Variants in CTNNAL1 observed in about 807,000 individuals in gnomAD.
CTNNAL1 encodes catenin alpha like 1, also known as alpha-catulin.
CTNNAL1 carries 69 observed loss-of-function variants against 93.6 expected under a neutral mutation model. The ratio of observed to expected loss-of-function variants is 0.74; its 90% CI spans 0.61 to 0.90. CTNNAL1 has a LOEUF of 0.90. Among genes scored for constraint, CTNNAL1 ranks in the 40% least tolerant of loss-of-function variants. The probability of loss-of-function intolerance (pLI) is 0.00; values close to 1 mark genes in which losing one functional copy is unlikely to be tolerated. For synonymous variants in CTNNAL1, 286 were observed against 305.4 expected (o/e 0.94, Z 0.66); for missense variants, 836 against 862.0 (o/e 0.97, Z 0.38).
At chr9:108,975,600 A>C (rs1564134268) in intron 8 of CTNNAL1, among the ~76,000 whole-genome samples, 1 of 152,228 alleles carries the variant, frequency 6.6e-6, no homozygotes, top group East Asian at 1.9e-4. Flanking sequence ...TGGAGCTGGG[A>C]AAACAGGGAA....
intron 6 of CTNNAL1, among the ~76,000 whole-genome samples, chr9:108,982,087 T>C (rs1831449720): frequency 6.6e-6 from 1 of 152,172 alleles, no homozygotes; most frequent in Non-Finnish European, 1.5e-5. Context: ...ACTAGATGAC[T>C]TCTTAGGGCC....
At chr9:108,953,014 C>A (rs1002365163) in intron 12 of CTNNAL1, among the ~76,000 whole-genome samples, 5 of 152,230 alleles carry the variant, frequency 3.3e-5, no homozygotes, top group Non-Finnish European at 7.3e-5. Flanking sequence ...TCTCTAGCTT[C>A]ATAGATATCA....
In CTNNAL1 at chr9:109,013,395, G is replaced by A. The variant is rs928438894; in HGVS notation, c.48C>T (p.Val16=). The change falls in exon 1 of 19, where the codon GTC becomes GTT. Residue 16 remains valine, a synonymous_variant. Transcript: ENST00000325551. ...GPAGVGGAGA[V]YGSGSSGFAL... Reference sequence around the variant, plus strand: ...CGAAGCCCGAAGAGCCGGAGCCGTAGACTGCTCCGGCGCCGCCAACGCCGG... The same window carrying A: ...CGAAGCCCGAAGAGCCGGAGCCGTAAACTGCTCCGGCGCCGCCAACGCCGG... The A allele has an allele frequency of 3.3e-6, 5 of 1,500,864 alleles. No individual in the cohort carries two copies. In the African/African-American group the frequency reaches 5.8e-5, roughly 18 times the overall value. The allele number at this position is 1,500,864 out of a possible 1,614,324, so 93.0% of individuals were successfully genotyped here.
Position 108,979,373 on chromosome 9 carries a change from A to G in CTNNAL1, c.1009T>C (p.Tyr337His), listed in dbSNP as rs374231022. 6.2e-6 allele frequency: 10 copies of G among 1,614,178 alleles called. No individual in the cohort carries two copies. The highest frequency in any genetic ancestry group is 5.3e-5 in the African/African-American group (4 of 75,062). Reference sequence around the variant, plus strand: ...CGTTCTCTGTGCTCATGGCTGGTGTAGGCAGAATCAGTAAAGTCCTCCATA... The same window carrying G: ...CGTTCTCTGTGCTCATGGCTGGTGTGGGCAGAATCAGTAAAGTCCTCCATA... ...ERMEDFTDSA[Y>H]TSHEHRERIL... Residue 337 changes from tyrosine to histidine, a missense_variant, in exon 7 of 19, where the codon TAC becomes CAC. Physicochemically the swap from Tyr to His is moderately conservative, Grantham distance 83 (BLOSUM62 2). Coordinates refer to ENST00000325551, the MANE Select transcript of CTNNAL1 (RefSeq NM_003798.4).
chr9:109,010,115 T>C lies in CTNNAL1; in HGVS notation c.141+3187A>G, dbSNP rs546235920. Among the ~76,000 whole-genome samples, 13 of 152,308 alleles carry C rather than the reference T, an allele frequency of 8.5e-5. No individual in the cohort carries two copies. The East Asian group carries it at 2.5e-3, about 29-fold the overall frequency. On this transcript the variant is annotated intron_variant, in intron 1 of 18. Coordinates refer to ENST00000325551, the MANE Select transcript of CTNNAL1 (RefSeq NM_003798.4). Reference sequence around the variant, plus strand: ...ACAGCTAACTGCAGCCCTCAGCTGCTGGGCTCAAGCCATCCTCCCATTTTT... The same window carrying C: ...ACAGCTAACTGCAGCCCTCAGCTGCCGGGCTCAAGCCATCCTCCCATTTTT...
chr9:108,943,833 C>T lies in CTNNAL1; in HGVS notation c.1942-17G>A. The T allele has an allele frequency of 6.2e-7, 1 of 1,609,296 alleles. No homozygotes were observed. Among genetic ancestry groups the T allele is most frequent in the East Asian group, 2.2e-5 (1 of 44,824 alleles). ...GTCTTTCAGCTGAAATGTAATTTAA[C>T]AAGTTATAACAGCCCGCAACAAAAC... On this transcript the variant is annotated splice_polypyrimidine_tract_variant and intron_variant, in intron 16 of 18. Coordinates refer to ENST00000325551, the MANE Select transcript of CTNNAL1 (RefSeq NM_003798.4).
intron 4 of CTNNAL1, among the ~76,000 whole-genome samples, chr9:108,990,317 A>G (rs1831750844): frequency 6.6e-6 from 1 of 152,232 alleles, no homozygotes; most frequent in South Asian, 2.1e-4. Flanking sequence ...TTGGGTTATT[A>G]CTATTAATCT....
intron 8 of CTNNAL1, among the ~76,000 whole-genome samples, chr9:108,976,568 G>A (rs1831272285): frequency 6.6e-6 from 1 of 151,516 alleles, no homozygotes; most frequent in Non-Finnish European, 1.5e-5. Context: ...TCTCACTCTG[G>A]CACCCAGGCT....
At chr9:108,964,143 T>C (rs1830890708) in intron 11 of CTNNAL1, among the ~76,000 whole-genome samples, 1 of 152,192 alleles carries the variant, frequency 6.6e-6, no homozygotes, top group Non-Finnish European at 1.5e-5. Context: ...TATGTAACTA[T>C]AAATACAAAG....
intron 1 of CTNNAL1, 81 bp downstream of exon 1, chr9:109,013,221 C>T (rs1827264833): frequency 7.2e-7 from 1 of 1,383,288 alleles, no homozygotes; most frequent in Non-Finnish European, 9.4e-7. Context: ...CGGCTGCCTC[C>T]CGTCCGGTCG....
At chr9:108,983,105 TAAGAA>T (rs1831486055) in intron 6 of CTNNAL1, 35 bp downstream of exon 6, 7 of 1,324,546 alleles carry the variant, frequency 5.3e-6, no homozygotes, top group Non-Finnish European at 6.8e-6. Flanking sequence ...TAAAATAAAA[TAAGAA>T]GAGAAAAATA....
At chr9:108,949,176 G>C (rs1476604799) in intron 14 of CTNNAL1, among the ~76,000 whole-genome samples, 2 of 152,054 alleles carry the variant, frequency 1.3e-5, no homozygotes, top group Admixed American at 1.3e-4. Flanking sequence ...ACTGCTACAA[G>C]GTATTTATCT....
At chr9:109,006,113 T>G (rs765903270) in intron 1 of CTNNAL1, among the ~76,000 whole-genome samples, 37 of 152,234 alleles carry the variant, frequency 2.4e-4, no homozygotes, top group Admixed American at 4.6e-4. Flanking sequence ...AAATAAAAAT[T>G]ACCCATAATC....
Position 108,942,953 on chromosome 9 carries a change from T to A in CTNNAL1, c.2139+8A>T. ...AAGTATGAGTCTAAAATAGAAAAACTACCTCACCTTCTTCAGCAGTTTATA... is the reference window on the plus strand; with the variant it reads ...AAGTATGAGTCTAAAATAGAAAAACAACCTCACCTTCTTCAGCAGTTTATA... On this transcript the variant is annotated splice_region_variant and intron_variant, in intron 18 of 18. Coordinates refer to ENST00000325551, the MANE Select transcript of CTNNAL1 (RefSeq NM_003798.4). 6.2e-7 allele frequency: 1 copy of A among 1,611,180 alleles called. No homozygotes were observed. Among genetic ancestry groups the A allele is most frequent in the African/African-American group, 1.3e-5 (1 of 74,796 alleles).
rs901776850 is a variant in CTNNAL1, at chr9:108,943,109, T to C, written c.2056-65A>G. The C allele has an allele frequency of 2.4e-5, 34 of 1,411,332 alleles. No homozygotes were observed. In the East Asian group the frequency reaches 3.3e-4, roughly 14 times the overall value. 87.4% of individuals were successfully genotyped at this position (1,411,332 alleles called of 1,614,324 possible). A position where few individuals can be genotyped will look rare whatever the true frequency, so the allele number is the denominator to read the frequency against. On this transcript the variant is annotated intron_variant, in intron 17 of 18. Transcript: ENST00000325551. ...AGTACTTAAAAGACCTTACCATTTA[T>C]TTAGTTTTAACATGATAAAATTTCT...
chr9:108,972,864 G>GGGGCGCCCCCCCCCC, intron 8 of CTNNAL1, 31 bp from the exon 9 acceptor site: 2 of 142,552 alleles, frequency 1.4e-5, no homozygotes, highest in Non-Finnish European at 2.0e-5. Flanking sequence ...GGGGGGGTGG[G>GGGGCGCCCCCCCCCC]AGGGTGGAGA....
At chr9:108,956,431 C>T (rs144337054) in intron 11 of CTNNAL1, among the ~76,000 whole-genome samples, 19 of 152,314 alleles carry the variant, frequency 1.2e-4, no homozygotes, top group Non-Finnish European at 2.6e-4. Flanking sequence ...ATCTTTACAA[C>T]TTCCAGGTCA....
chr9:108,943,651 CT>C, intron 17 of CTNNAL1, 51 bp downstream of exon 17: 2 of 1,484,432 alleles, frequency 1.3e-6, no homozygotes, highest in Non-Finnish European at 1.8e-6. Flanking sequence ...GAAAAAGGGG[CT>C]TTAACCAGAT....
chr9:108,966,039 C>A (rs909962514), intron 10 of CTNNAL1, among the ~76,000 whole-genome samples: 10 of 152,136 alleles, frequency 6.6e-5, no homozygotes, highest in African/African-American at 2.4e-4. Context: ...TAATATCCCC[C>A]AAAATATACA....
Sources: gnomAD v4.1 joint callset for allele counts (sites outside exome capture counted in the v4.1 genomes callset) on GRCh38, gnomAD v4.1.1 for gene constraint, MANE v1.5 for transcripts, NCBI Gene and HGNC (gene_info 2026-07-23, HGNC 2026-07-21) for gene names.